CETP: variants seen among roughly 807,000 people sequenced by gnomAD.
CETP encodes cholesteryl ester transfer protein, also known as BPI fold containing family F.
CETP carries 56 observed loss-of-function variants against 66.5 expected under a neutral mutation model. The observed-to-expected ratio is 0.84, with a 90% CI of 0.68 to 1.05. The LOEUF (loss-of-function observed/expected upper bound fraction) is 1.05, where lower values mean the gene tolerates loss of function less well. Ranked by LOEUF, CETP falls within the 50% of genes least tolerant of loss-of-function variation. The pLI is 0.00. For missense variants in CETP, 612 were observed against 609.6 expected, an observed-to-expected ratio of 1.00 and a Z score of -0.04; for synonymous variants, 251 against 245.7, an observed-to-expected ratio of 1.02 and a Z score of -0.20.
intron 10 of CETP, 142 bp from the exon 11 acceptor site, chr16:56,977,949 G>A (rs1367557165): frequency 3.4e-6 from 3 of 889,418 alleles, no homozygotes; most frequent in Admixed American, 2.7e-5. Flanking sequence ...CACAGCCTGG[G>A]GCCTGGGCAC....
chr16:56,982,310 C>T (rs573441586), intron 14 of CETP, 73 bp downstream of exon 14: 167 of 1,413,192 alleles, frequency 1.2e-4, no homozygotes, highest in Non-Finnish European at 1.6e-5. Context: ...TGGGCCCTTC[C>T]CAGGCAGAGC....
At position 56,970,058 on chromosome 16, in the gene CETP, C is replaced by T. The variant is rs2056098980; in HGVS notation, c.527+57C>T. 9 of 1,526,242 alleles carry T rather than the reference C, an allele frequency of 5.9e-6. No homozygotes were observed. In the Admixed American group the frequency reaches 1.4e-4, roughly 24 times the overall value. 94.5% of individuals were successfully genotyped at this position (1,526,242 alleles called of 1,614,324 possible). ...GCTCGTGCCCATCCTGTTAGTGTGT[C>T]CACGGCTCCTTCCAGGCTCAACCCC... On this transcript the variant is annotated intron_variant, in intron 5 of 15. Transcript: ENST00000200676.
chr16:56,962,226 T>A (rs750471838), intron 1 of CETP, 129 bp downstream of exon 1: 201 of 830,460 alleles, frequency 2.4e-4, no homozygotes, highest in Non-Finnish European at 4.0e-4. Flanking sequence ...AGGAGTGCCC[T>A]GGGAGGGAGA....
chr16:56,962,095 T>A lies in CETP; in HGVS notation c.116T>A (p.Val39Glu). The A allele has an allele frequency of 6.2e-7, 1 of 1,611,988 alleles. No homozygotes were observed. The change falls in exon 1 of 16, where the codon GTG (valine) becomes GAG (glutamate). Residue 39 changes from valine (V) to glutamate (E), a missense_variant and splice_region_variant. Physicochemically the swap from Val to Glu is moderately radical, Grantham distance 121. Coordinates refer to ENST00000200676, the MANE Select transcript of CETP (RefSeq NM_000078.3). ...CGCATCACCAAGCCTGCCCTCCTGG[T>A]GTGTAAGTATCAGTGCATCTGTCTG... ...VCRITKPALL[V>E]LNHETAKVIQ...
At chr16:56,966,542 G>C (rs1354447584) in intron 2 of CETP, among the ~76,000 whole-genome samples, 1 of 152,054 alleles carries the variant, frequency 6.6e-6, no homozygotes, top group East Asian at 1.9e-4. Flanking sequence ...TCCTCCACCC[G>C]GCATCTCCCC....
chr16:56,978,771 C>A lies in CETP; in HGVS notation c.1146+516C>A, dbSNP rs143024882. ...AAGTTGCTGGGGTTATAGGCATGAGCCACCATGCCAAGCATATGTTCTTTC... is the reference window on the plus strand; with the variant it reads ...AAGTTGCTGGGGTTATAGGCATGAGACACCATGCCAAGCATATGTTCTTTC... On this transcript the variant is annotated intron_variant, in intron 11 of 15. Coordinates refer to ENST00000200676, the MANE Select transcript of CETP (RefSeq NM_000078.3). Among the ~76,000 whole-genome samples the A allele has an allele frequency of 5.9e-3, 906 of 152,276 alleles. 7 individuals are homozygous for A. Among genetic ancestry groups the A allele is most frequent in the Middle Eastern group, 0.02 (6 of 294 alleles).
At chr16:56,980,300 A>T (rs1405980324) in intron 11 of CETP, among the ~76,000 whole-genome samples, 2 of 152,020 alleles carry the variant, frequency 1.3e-5, no homozygotes, top group Non-Finnish European at 2.9e-5. Context: ...TGCAGCGGTG[A>T]TCCTCCCACC....
chr16:56,975,893 G>T (rs1190909785), intron 10 of CETP, among the ~76,000 whole-genome samples: 1 of 152,084 alleles, frequency 6.6e-6, no homozygotes, highest in Non-Finnish European at 1.5e-5. Flanking sequence ...CCCCCACGTC[G>T]CTGCTCCCAG....
chr16:56,972,220 T>G, intron 8 of CETP, 137 bp downstream of exon 8: 1 of 681,132 alleles, frequency 1.5e-6, no homozygotes. Context: ...TCATTCCTGA[T>G]GCTCCTCCGC....
At chr16:56,978,647 A>AT (rs200428946) in intron 11 of CETP, among the ~76,000 whole-genome samples, 7 of 150,788 alleles carry the variant, frequency 4.6e-5, no homozygotes, top group African/African-American at 1.2e-4. Context: ...CACCTGGCTA[A>AT]TTTAAAAAAA....
At position 56,983,827 on chromosome 16, in the gene CETP, T is replaced by A; in HGVS notation, c.*161T>A. ...CCCTATCCTAAAGGCCCACTGGCAT[T>A]AAAGTGCTGTATCCAAGAGCTGCGG... is the stretch of plus-strand genomic sequence containing the variant. On this transcript the variant is annotated 3_prime_UTR_variant, in exon 16 of 16. Coordinates refer to ENST00000200676, the MANE Select transcript of CETP (RefSeq NM_000078.3). 1 of 712,682 alleles carries A rather than the reference T, an allele frequency of 1.4e-6. No individual in the cohort carries two copies. Among genetic ancestry groups the A allele is most frequent in the Non-Finnish European group, 2.5e-6 (1 of 395,114 alleles). 44.1% of individuals were successfully genotyped at this position (712,682 alleles called of 1,614,324 possible). A position where few individuals can be genotyped will look rare whatever the true frequency, so the allele number is the denominator to read the frequency against.
At chr16:56,980,337 T>C (rs17238232) in intron 11 of CETP, among the ~76,000 whole-genome samples, 2,854 of 152,276 alleles carry the variant, frequency 0.019, 99 homozygotes, top group African/African-American at 0.065. Context: ...AGATGTGCAC[T>C]ACCACGTATT....
chr16:56,972,116 G>A (rs34207398), intron 8 of CETP, 33 bp downstream of exon 8: 1 of 1,535,420 alleles, frequency 6.5e-7, no homozygotes, highest in Non-Finnish European at 9.0e-7. Flanking sequence ...GCAGGGCCCA[G>A]CTTCCCCAGG....
At position 56,983,788 on chromosome 16, in the gene CETP, G is replaced by A. The variant is rs1484513119; in HGVS notation, c.*122G>A. 2.2e-6 allele frequency: 2 copies of A among 903,556 alleles called. No individual in the cohort carries two copies. Among genetic ancestry groups the A allele is most frequent in the Non-Finnish European group, 3.7e-6 (2 of 543,164 alleles). 56.0% of individuals were successfully genotyped at this position (903,556 alleles called of 1,614,324 possible). On this transcript the variant is annotated 3_prime_UTR_variant, in exon 16 of 16. Coordinates refer to ENST00000200676, the MANE Select transcript of CETP (RefSeq NM_000078.3). The stretch of plus-strand genomic sequence containing the variant: ...GGTTAGGAGTACGGAGATGGAGATT[G>A]GCTCCCAACTCCTCCCTATCCTAAA...
intron 7 of CETP, 26 bp downstream of exon 7, chr16:56,971,407 T>A: frequency 6.2e-7 from 1 of 1,607,194 alleles, no homozygotes; most frequent in Non-Finnish European, 8.5e-7. Flanking sequence ...TCTGCATGCC[T>A]CAGAAGACAG....
chr16:56,972,186 C>A, intron 8 of CETP, 103 bp downstream of exon 8: 2 of 841,746 alleles, frequency 2.4e-6, no homozygotes, highest in Non-Finnish European at 3.9e-6. Context: ...CTTATGGCAG[C>A]CAAGAGTCCT....
chr16:56,980,195 C>T (rs1219727189), intron 11 of CETP, among the ~76,000 whole-genome samples: 1 of 152,082 alleles, frequency 6.6e-6, no homozygotes, highest in Admixed American at 6.6e-5. Context: ...TTTTCTTTTC[C>T]AAGATCTGAT....
At chr16:56,967,363 C>A (rs7405284) in intron 2 of CETP, among the ~76,000 whole-genome samples, 13,589 of 94,618 alleles carry the variant, frequency 0.14, 738 homozygotes, top group South Asian at 0.24. Context: ...AACAAACAAA[C>A]AAAAAAAACG....
chr16:56,974,671 C>T (rs1044274720), intron 9 of CETP, among the ~76,000 whole-genome samples: 3 of 152,346 alleles, frequency 2.0e-5, no homozygotes, highest in Non-Finnish European at 2.9e-5. Flanking sequence ...ACTGTTACCT[C>T]TGTTTTGCAA....
Sources: gnomAD v4.1 joint callset for allele counts (sites outside exome capture counted in the v4.1 genomes callset) on GRCh38, gnomAD v4.1.1 for gene constraint, MANE v1.5 for transcripts, NCBI Gene and HGNC (gene_info 2026-07-23, HGNC 2026-07-21) for gene names.